RNF19A: variants seen among roughly 807,000 people sequenced by gnomAD.
RNF19A encodes ring finger protein 19A, RBR E3 ubiquitin protein ligase, also known as E3 ubiquitin-protein ligase RNF19A.
A neutral mutation model predicts 75.7 loss-of-function variants in RNF19A; 32 were observed. The observed-to-expected ratio is 0.42, with a 90% CI of 0.32 to 0.57. The LOEUF is 0.57. Ranked by LOEUF, RNF19A falls within the 20% of genes least tolerant of loss-of-function variation. The pLI, the probability that RNF19A is intolerant of heterozygous loss-of-function variation, is 0.10. For synonymous variants in RNF19A, 335 were observed against 345.2 expected, an observed-to-expected ratio of 0.97 and a Z score of 0.33; for missense variants, 782 against 1,036.3, an observed-to-expected ratio of 0.75 and a Z score of 3.37.
At chr8:100,335,538 AT>A (rs1489067792) in intron 1 of RNF19A, among the ~76,000 whole-genome samples, 2 of 152,194 alleles carry the variant, frequency 1.3e-5, no homozygotes, top group African/African-American at 2.4e-5. Context: ...ACTTTTTACT[AT>A]TTTTACTTTA....
At chr8:100,304,531 C>G (rs546392215) in intron 1 of RNF19A, among the ~76,000 whole-genome samples, 1 of 152,324 alleles carries the variant, frequency 6.6e-6, no homozygotes, top group Admixed American at 6.5e-5. Context: ...CAGTTCCCAC[C>G]TCCACTTTCC....
intron 7 of RNF19A, among the ~76,000 whole-genome samples, chr8:100,263,263 T>C (rs1197200380): frequency 6.6e-6 from 1 of 151,884 alleles, no homozygotes; most frequent in Non-Finnish European, 1.5e-5. Flanking sequence ...GGAAATATGG[T>C]AAGAAGTGGT....
At position 100,287,891 on chromosome 8, in the gene RNF19A, T is replaced by G. The variant is rs112960156; in HGVS notation, c.284A>C (p.Glu95Ala). 2.2e-4 allele frequency: 362 copies of G among 1,614,080 alleles called. No homozygotes were observed. The highest frequency in any genetic ancestry group is 2.9e-4 in the Non-Finnish European group (346 of 1,180,040). Residue 95 changes from glutamate to alanine, a missense_variant, in exon 2 of 10, where the codon GAA becomes GCA. Glu to Ala is a moderately radical substitution (Grantham distance 107). Transcript: ENST00000341084. This position sits in a 1 kb window ranked among gnomAD's most constrained non-coding sequence, Gnocchi z 4.1. ...NGGVDGIASI[E>A]SIHSEMCTDK... The stretch of plus-strand genomic sequence containing the variant: ...AGTACACATTTCAGAATGTATACTT[T>G]CAATACTTGCAATTCCATCCACCCC...
chr8:100,272,560 T>C (rs1232239909), intron 3 of RNF19A, among the ~76,000 whole-genome samples: 1 of 151,654 alleles, frequency 6.6e-6, no homozygotes, highest in Admixed American at 6.6e-5. Context: ...TTTAAATTAA[T>C]AGGGTCTTGT....
Position 100,257,428 on chromosome 8 carries a change from C to T in RNF19A, c.*1128G>A, listed in dbSNP as rs1321408029. ...TTTGGCCAACTTCTGCTTATGTCAGCTGAACATTGTCCATAAACAAAAGCA... is the reference window on the plus strand; with the variant it reads ...TTTGGCCAACTTCTGCTTATGTCAGTTGAACATTGTCCATAAACAAAAGCA... On this transcript the variant is annotated 3_prime_UTR_variant, in exon 10 of 10. Transcript: ENST00000341084. 1.3e-5 allele frequency: 2 copies of T among 152,594 alleles called. No homozygotes were observed. The highest frequency in any genetic ancestry group is 2.9e-5 in the Non-Finnish European group (2 of 68,022). 9.5% of individuals were successfully genotyped at this position (152,594 alleles called of 1,614,324 possible).
intron 2 of RNF19A, among the ~76,000 whole-genome samples, chr8:100,286,509 A>T (rs555007798): frequency 6.6e-6 from 1 of 152,342 alleles, no homozygotes; most frequent in East Asian, 1.9e-4. Flanking sequence ...TACCTGGGAA[A>T]ATTGGGATTT....
chr8:100,334,048 T>C (rs1384197928), intron 1 of RNF19A, among the ~76,000 whole-genome samples: 2 of 152,176 alleles, frequency 1.3e-5, no homozygotes, highest in Non-Finnish European at 2.9e-5. Context: ...ACACCATGCC[T>C]TTTCTTGATT....
At position 100,287,912 on chromosome 8, in the gene RNF19A, A is replaced by G; in HGVS notation, c.263T>C (p.Val88Ala). 1 of 1,614,028 alleles carries G rather than the reference A, an allele frequency of 6.2e-7. No individual in the cohort carries two copies. The highest frequency in any genetic ancestry group is 2.2e-5 in the East Asian group (1 of 44,876). ...KRKSRELNGGVDGIASIESIH... is the reference protein window; with the variant it reads ...KRKSRELNGGADGIASIESIH... ...ACTTTCAATACTTGCAATTCCATCC[A>G]CCCCGCCATTTAGCTCCCTTGATTT... is the stretch of plus-strand genomic sequence containing the variant. Residue 88 changes from valine (V) to alanine (A), a missense_variant, in exon 2 of 10, where the codon GTG (valine) becomes GCG (alanine). Val to Ala is a moderately conservative substitution (Grantham distance 64, BLOSUM62 0). Around this residue, in one of 7 missense-constraint regions of RNF19A, gnomAD observed 148 missense variants for 147.9 expected, o/e 1.00. Transcript: ENST00000341084. The surrounding 1 kb of genome is among the most constrained non-coding windows in gnomAD (Gnocchi z 4.1).
intron 1 of RNF19A, among the ~76,000 whole-genome samples, chr8:100,291,937 T>C (rs1821312809): frequency 8.1e-6 from 1 of 122,804 alleles, no homozygotes; most frequent in African/African-American, 3.7e-5. Context: ...CAATATTTAC[T>C]AGCACTGTTG....
chr8:100,273,158 C>T (rs1000789465), intron 3 of RNF19A, among the ~76,000 whole-genome samples: 9 of 152,280 alleles, frequency 5.9e-5, no homozygotes, highest in South Asian at 2.1e-4. Flanking sequence ...TGAGCCATTG[C>T]GCCCAGCCAA....
intron 1 of RNF19A, among the ~76,000 whole-genome samples, chr8:100,304,893 A>T (rs973472103): frequency 6.6e-6 from 1 of 152,218 alleles, no homozygotes; most frequent in African/African-American, 2.4e-5. Flanking sequence ...TTTCAAAGGC[A>T]TAATTAACTT....
chr8:100,296,368 G>A (rs1821564025), intron 1 of RNF19A, among the ~76,000 whole-genome samples: 1 of 152,180 alleles, frequency 6.6e-6, no homozygotes, highest in East Asian at 1.9e-4. Context: ...GCCTCCCCAA[G>A]TGCTGGGATT....
intron 1 of RNF19A, among the ~76,000 whole-genome samples, chr8:100,306,686 T>C (rs1328363284): frequency 6.6e-6 from 1 of 152,224 alleles, no homozygotes; most frequent in Non-Finnish European, 1.5e-5. Context: ...GCCTGTTTGG[T>C]TGAAGCCTAC....
intron 2 of RNF19A, among the ~76,000 whole-genome samples, chr8:100,283,213 G>A (rs2129859462): frequency 3.3e-5 from 1 of 30,090 alleles, no homozygotes; most frequent in Admixed American, 2.1e-4. Flanking sequence ...GCTGGTAGCA[G>A]GGTGGCCTTA....
At position 100,287,684 on chromosome 8, in the gene RNF19A, C is replaced by T. The variant is rs1821087301; in HGVS notation, c.491G>A (p.Arg164Lys). Reference sequence around the variant, plus strand: ...AACTCTGCTTTCAGAGATTTCTATCCTTAAATATTGTCGTAAGCAATCCAC... The same window carrying T: ...AACTCTGCTTTCAGAGATTTCTATCTTTAAATATTGTCGTAAGCAATCCAC... ...SCVDCLRQYLRIEISESRVNI... is the reference protein window; with the variant it reads ...SCVDCLRQYLKIEISESRVNI... The change falls in exon 2 of 10, where the codon AGG becomes AAG. Residue 164 changes from arginine (R) to lysine (K), a missense_variant. By Grantham distance (26) the Arg-to-Lys change is conservative. Coordinates refer to ENST00000341084, the MANE Select transcript of RNF19A (RefSeq NM_183419.4). This position sits in a 1 kb window ranked among gnomAD's most constrained non-coding sequence, Gnocchi z 4.1. 1 of 1,613,866 alleles carries T rather than the reference C, an allele frequency of 6.2e-7. No individual in the cohort carries two copies. The highest frequency in any genetic ancestry group is 1.3e-5 in the African/African-American group (1 of 74,894).
chr8:100,257,806 T>G lies in RNF19A; in HGVS notation c.*750A>C. The G allele has an allele frequency of 7.8e-6, 3 of 386,256 alleles. No individual in the cohort carries two copies. The highest frequency in any genetic ancestry group is 1.4e-5 in the Non-Finnish European group (3 of 218,356). The allele number at this position is 386,256 out of a possible 1,614,324, so 23.9% of individuals were successfully genotyped here. On this transcript the variant is annotated 3_prime_UTR_variant, in exon 10 of 10. Transcript: ENST00000341084. ...TCCCCTTAGAGAAAGGTGGATTTTT[T>G]GTAATACTTATAACCTAATGGGACT...
chr8:100,294,792 C>T (rs574148151), intron 1 of RNF19A, among the ~76,000 whole-genome samples: 11 of 152,098 alleles, frequency 7.2e-5, no homozygotes, highest in Admixed American at 2.0e-4. Flanking sequence ...TTTTAGCCTA[C>T]TTATGCATCC....
At position 100,264,140 on chromosome 8, in the gene RNF19A, A is replaced by G. The variant is rs1311440126; in HGVS notation, c.1362T>C (p.Leu454=). 10 of 1,613,700 alleles carry G rather than the reference A, an allele frequency of 6.2e-6. No individual in the cohort carries two copies. The highest frequency in any genetic ancestry group is 7.6e-6 in the Non-Finnish European group (9 of 1,179,798). Residue 454 remains leucine (L), a synonymous_variant, in exon 7 of 10, where the codon CTT becomes CTC. Transcript: ENST00000341084. This position sits in a 1 kb window ranked among gnomAD's most constrained non-coding sequence, Gnocchi z 4.7. The part of the protein sequence containing the change: ...AYVYGVVPIS[L]CRSGGCGVSA... ...AGACTCCACAACCTCCGCTTCGACA[A>G]AGAGAAATTGGAACTACGCCATAGA...
intron 3 of RNF19A, among the ~76,000 whole-genome samples, chr8:100,270,750 C>T (rs923377151): frequency 2.6e-5 from 4 of 152,100 alleles, no homozygotes; most frequent in Non-Finnish European, 5.9e-5. Flanking sequence ...ATGCTCATGA[C>T]TTTTAAATTA....
Sources: gnomAD v4.1 joint callset for allele counts (sites outside exome capture counted in the v4.1 genomes callset) on GRCh38, gnomAD v4.1.1 for gene constraint, gnomAD v4.1.1 regional missense constraint, Gnocchi (gnomAD v3.1) non-coding constraint, MANE v1.5 for transcripts, NCBI Gene and HGNC (gene_info 2026-07-23, HGNC 2026-07-21) for gene names.